The following ADCK1 variants were observed in gnomAD, a reference collection of about 807,000 sequenced individuals.
The protein encoded by ADCK1 is aarF domain-containing protein kinase 1.
In ADCK1, 41 loss-of-function variants were observed where a neutral mutation model predicts 52.3. The observed-to-expected ratio is 0.78, with a 90% CI of 0.61 to 1.02. The LOEUF (loss-of-function observed/expected upper bound fraction) is 1.02, where lower values mean the gene tolerates loss of function less well. Among genes scored for constraint, ADCK1 ranks in the 50% least tolerant of loss-of-function variants. ADCK1 has a pLI of 0.00. For synonymous variants in ADCK1, 250 were observed against 274.6 expected (o/e 0.91, Z 0.89); for missense variants, 658 against 679.5 (o/e 0.97, Z 0.35).
intron 7 of ADCK1, among the ~76,000 whole-genome samples, chr14:77,909,668 T>G (rs894175102): frequency 6.6e-6 from 1 of 152,190 alleles, no homozygotes; most frequent in African/African-American, 2.4e-5. Flanking sequence ...GAAGACTATG[T>G]GAGTTAGGGT....
At chr14:77,915,810 T>C (rs760099590) in intron 7 of ADCK1, among the ~76,000 whole-genome samples, 20 of 152,204 alleles carry the variant, frequency 1.3e-4, no homozygotes, top group South Asian at 4.1e-4. Flanking sequence ...GATTCAGGTG[T>C]TGGCTCTGCT....
chr14:77,916,395 A>G (rs1417745542), intron 7 of ADCK1, among the ~76,000 whole-genome samples: 1 of 152,108 alleles, frequency 6.6e-6, no homozygotes, highest in African/African-American at 2.4e-5. Context: ...AGGTACCTAG[A>G]AGCTCCAAAA....
At chr14:77,888,594 G>C (rs1052178024) in intron 5 of ADCK1, among the ~76,000 whole-genome samples, 1 of 152,118 alleles carries the variant, frequency 6.6e-6, no homozygotes, top group Non-Finnish European at 1.5e-5. Context: ...CAGAAATAAT[G>C]ATGTGAAGTG....
chr14:77,826,698 T>G (rs967332875), intron 3 of ADCK1, among the ~76,000 whole-genome samples: 6 of 152,142 alleles, frequency 3.9e-5, no homozygotes, highest in Non-Finnish European at 8.8e-5. Context: ...GGGTTTGTGA[T>G]GTAGTGGATA....
intron 8 of ADCK1, among the ~76,000 whole-genome samples, chr14:77,925,002 G>A (rs1420579226): frequency 2.6e-5 from 4 of 152,194 alleles, no homozygotes; most frequent in Non-Finnish European, 5.9e-5. Context: ...GTGGGAAAGG[G>A]GGCAGGCAGC....
chr14:77,917,357 C>A (rs2083948925), intron 7 of ADCK1, among the ~76,000 whole-genome samples: 1 of 152,280 alleles, frequency 6.6e-6, no homozygotes, highest in African/African-American at 2.4e-5. Flanking sequence ...TCAGGCTACT[C>A]ATGTGATTAT....
intron 7 of ADCK1, among the ~76,000 whole-genome samples, chr14:77,919,676 G>A (rs539655628): frequency 1.4e-4 from 22 of 152,282 alleles, no homozygotes; most frequent in African/African-American, 5.1e-4. Flanking sequence ...TCCCATAGTT[G>A]TTGTACTAGT....
intron 4 of ADCK1, among the ~76,000 whole-genome samples, chr14:77,866,454 C>T (rs143313157): frequency 1.3e-5 from 2 of 152,280 alleles, no homozygotes; most frequent in East Asian, 1.9e-4. Flanking sequence ...CACAGGCTCC[C>T]AGGCAGCCTG....
intron 3 of ADCK1, among the ~76,000 whole-genome samples, chr14:77,824,436 CTTTTT>C (rs755099441): frequency 7.5e-6 from 1 of 133,958 alleles, no homozygotes; most frequent in Non-Finnish European, 1.6e-5. Context: ...TTCTTTCTTT[CTTTTT>C]TTTTTTTTTT....
At chr14:77,920,125 C>G (rs1566735633) in intron 7 of ADCK1, among the ~76,000 whole-genome samples, 1 of 152,070 alleles carries the variant, frequency 6.6e-6, no homozygotes, top group Non-Finnish European at 1.5e-5. Context: ...GTCTACTTAT[C>G]TTTGTTTTTG....
rs577672335 is a variant in ADCK1, at chr14:77,836,122, C to T, written c.219+13604C>T. ...GTGGGAATGGGTTCATTTTGGGTACCTTCCCTCTCTCCCTCTCTGTCTCCA... is the reference window on the plus strand; with the variant it reads ...GTGGGAATGGGTTCATTTTGGGTACTTTCCCTCTCTCCCTCTCTGTCTCCA... On this transcript the variant is annotated intron_variant, in intron 3 of 10. Transcript: ENST00000238561. Among the ~76,000 whole-genome samples the T allele has an allele frequency of 6.6e-5, 10 of 152,244 alleles. No individual in the cohort carries two copies. The South Asian group carries it at 1.2e-3, about 19-fold the overall frequency.
intron 1 of ADCK1, among the ~76,000 whole-genome samples, chr14:77,807,786 G>A (rs113031567): frequency 2.0e-5 from 3 of 152,256 alleles, no homozygotes; most frequent in African/African-American, 7.2e-5. Flanking sequence ...TGGGATTATA[G>A]GCGTGAACCA....
intron 3 of ADCK1, among the ~76,000 whole-genome samples, chr14:77,828,753 C>T (rs545173957): frequency 1.3e-5 from 2 of 152,264 alleles, no homozygotes; most frequent in East Asian, 3.9e-4. Flanking sequence ...TCACAAACTC[C>T]TGACCTCAGG....
At chr14:77,907,448 A>G (rs1355951428) in intron 6 of ADCK1, among the ~76,000 whole-genome samples, 1 of 152,228 alleles carries the variant, frequency 6.6e-6, no homozygotes, top group East Asian at 1.9e-4. Context: ...TGGTGGCGGG[A>G]TGGGGAGAGG....
At chr14:77,932,602 C>T (rs1336384842) in intron 10 of ADCK1, among the ~76,000 whole-genome samples, 2 of 152,110 alleles carry the variant, frequency 1.3e-5, no homozygotes, top group South Asian at 2.1e-4. Context: ...GATTTGACCA[C>T]GTATATCACG....
intron 5 of ADCK1, among the ~76,000 whole-genome samples, chr14:77,897,099 G>C (rs189072961): frequency 5.3e-5 from 8 of 152,308 alleles, no homozygotes; most frequent in African/African-American, 1.9e-4. Flanking sequence ...TGGAAAGATG[G>C]GAAGGGGAAG....
intron 3 of ADCK1, among the ~76,000 whole-genome samples, chr14:77,827,258 A>G (rs2081732107): frequency 6.6e-6 from 1 of 150,512 alleles, no homozygotes; most frequent in Admixed American, 6.6e-5. Flanking sequence ...AGGCTGAGGC[A>G]GGAGAACTAC....
intron 3 of ADCK1, among the ~76,000 whole-genome samples, chr14:77,851,900 T>C (rs2082291465): frequency 6.6e-6 from 1 of 152,228 alleles, no homozygotes; most frequent in African/African-American, 2.4e-5. Context: ...ATAAAGTTGC[T>C]ATTTCTGGTC....
At chr14:77,920,493 A>G (rs1031333102) in intron 7 of ADCK1, among the ~76,000 whole-genome samples, 2 of 152,140 alleles carry the variant, frequency 1.3e-5, no homozygotes, top group African/African-American at 2.4e-5. Flanking sequence ...CTGTTTTGGT[A>G]ACTATAGCTC....
Sources: gnomAD v4.1 joint callset for allele counts (sites outside exome capture counted in the v4.1 genomes callset) on GRCh38, gnomAD v4.1.1 for gene constraint, MANE v1.5 for transcripts, NCBI Gene and HGNC (gene_info 2026-07-23, HGNC 2026-07-21) for gene names.